The following STXBP4 variants were observed in gnomAD, a reference collection of about 807,000 sequenced individuals.
STXBP4 encodes syntaxin-binding protein 4.
STXBP4 carries 55 observed loss-of-function variants against 76.1 expected under a neutral mutation model. The observed-to-expected ratio is 0.72, with a 90% CI of 0.58 to 0.91. STXBP4 has a LOEUF of 0.91. Ranked by LOEUF, STXBP4 falls within the 40% of genes least tolerant of loss-of-function variation. STXBP4 has a pLI of 0.00. For synonymous variants in STXBP4, 201 were observed against 220.2 expected, an observed-to-expected ratio of 0.91 and a Z score of 0.77; for missense variants, 618 against 636.9, an observed-to-expected ratio of 0.97 and a Z score of 0.32.
At position 54,990,927 on chromosome 17, in the gene STXBP4, G is replaced by C. The variant is rs866516749; in HGVS notation, c.150G>C (p.Gln50His). Residue 50 changes from glutamine (Q) to histidine (H), a missense_variant, in exon 4 of 18, where the codon CAG becomes CAC. Transcript: ENST00000376352. ...NRNEGPLVYI[Q>H]EIIPGGDCYK... ...ATGAAGGCCCATTGGTATATATTCA[G>C]GAAATTATTCCTGGAGGAGACTGTT... The C allele has an allele frequency of 6.3e-7, 1 of 1,593,666 alleles. No homozygotes were observed. Among genetic ancestry groups the C allele is most frequent in the Admixed American group, 1.8e-5 (1 of 54,984 alleles).
chr17:55,077,400 T>A (rs1342664171), intron 13 of STXBP4, among the ~76,000 whole-genome samples: 1 of 152,192 alleles, frequency 6.6e-6, no homozygotes, highest in Non-Finnish European at 1.5e-5. Context: ...ATGGGGACTT[T>A]TGGTTAGGAA....
chr17:55,094,823 T>C (rs2079463343), intron 16 of STXBP4, among the ~76,000 whole-genome samples: 1 of 152,190 alleles, frequency 6.6e-6, no homozygotes, highest in African/African-American at 2.4e-5. Flanking sequence ...GAAGCAAACA[T>C]AGACAGTTCT....
intron 16 of STXBP4, among the ~76,000 whole-genome samples, chr17:55,084,141 T>G (rs1381019438): frequency 2.0e-5 from 3 of 152,054 alleles, no homozygotes; most frequent in Non-Finnish European, 4.4e-5. Flanking sequence ...CTCCAGCACC[T>G]GTTGTTTCCT....
chr17:55,192,308 A>G, the STXBP4 span, among the ~76,000 whole-genome samples: 2 of 152,206 alleles, frequency 1.3e-5, no homozygotes, highest in African/African-American at 2.4e-5. Context: ...GTATCCTGGA[A>G]CCACAGCAGA....
chr17:54,996,162 A>C (rs2077798652), intron 4 of STXBP4, among the ~76,000 whole-genome samples: 2 of 151,402 alleles, frequency 1.3e-5, no homozygotes, highest in Non-Finnish European at 2.9e-5. Flanking sequence ...CAACTAGAGA[A>C]AACTTCCAGC....
chr17:55,094,604 C>G lies in STXBP4; in HGVS notation c.1489+13421C>G, dbSNP rs73992606. ...TTTCCTATTCATGTGCATATTGTTT[C>G]AATGAGTAAAAAAAAGTCCGGTAGC... On this transcript the variant is annotated intron_variant, in intron 16 of 17. Transcript: ENST00000376352. Among the ~76,000 whole-genome samples, 1,260 of 152,262 alleles carry G rather than the reference C, an allele frequency of 8.3e-3. 18 individuals are homozygous for G. Among genetic ancestry groups the G allele is most frequent in the African/African-American group, 0.028 (1,184 of 41,554 alleles).
In STXBP4 at chr17:55,056,424, G is replaced by T. The variant is rs72833266; in HGVS notation, c.1011+9270G>T. ...AAAAGTAAATTCACATACTCAAATT[G>T]TTCCAAACTTATTTTAAAAGTTTCT... On this transcript the variant is annotated intron_variant, in intron 12 of 17. Coordinates refer to ENST00000376352, the MANE Select transcript of STXBP4 (RefSeq NM_178509.6). Among the ~76,000 whole-genome samples, 1,477 of 152,174 alleles carry T rather than the reference G, an allele frequency of 9.7e-3. 19 individuals are homozygous for T. The highest frequency in any genetic ancestry group is 0.032 in the South Asian group (153 of 4,828).
chr17:55,152,977 A>T (rs1031018031), intron 17 of STXBP4, among the ~76,000 whole-genome samples: 9 of 152,080 alleles, frequency 5.9e-5, no homozygotes, highest in Non-Finnish European at 1.2e-4. Context: ...ATTGTTACTG[A>T]CACCAACCCA....
chr17:55,043,439 T>G, intron 11 of STXBP4, 114 bp downstream of exon 11: 1 of 748,038 alleles, frequency 1.3e-6, no homozygotes, highest in Non-Finnish European at 2.0e-6. Flanking sequence ...TGGAAAAATA[T>G]TAATATCAAA....
At chr17:55,000,554 G>A (rs1305195545) in intron 6 of STXBP4, among the ~76,000 whole-genome samples, 3 of 152,094 alleles carry the variant, frequency 2.0e-5, no homozygotes, top group East Asian at 3.9e-4. Flanking sequence ...TTTGTCACTT[G>A]GAGCTATAAT....
At chr17:54,983,938 C>CT (rs1257092055) in intron 1 of STXBP4, among the ~76,000 whole-genome samples, 2 of 152,166 alleles carry the variant, frequency 1.3e-5, no homozygotes, top group Non-Finnish European at 2.9e-5. Context: ...GGTGGCCCTT[C>CT]TTTTCCTCAT....
intron 4 of STXBP4, among the ~76,000 whole-genome samples, chr17:54,997,590 T>A (rs976951640): frequency 7.8e-5 from 11 of 140,910 alleles, no homozygotes; most frequent in Non-Finnish European, 1.2e-4. Context: ...ATATATATAT[T>A]TTATATATTT....
chr17:55,092,228 C>T (rs1598303926), intron 16 of STXBP4, among the ~76,000 whole-genome samples: 1 of 152,090 alleles, frequency 6.6e-6, no homozygotes, highest in Non-Finnish European at 1.5e-5. Context: ...CAAGTGATGG[C>T]TGCACCAAAA....
rs117128822 is a variant in STXBP4, at chr17:55,079,417, C to T, written c.1355+682C>T. Among the ~76,000 whole-genome samples the T allele has an allele frequency of 9.1e-3, 1,379 of 152,074 alleles. 14 individuals are homozygous for T. Among genetic ancestry groups the T allele is most frequent in the South Asian group, 0.017 (80 of 4,810 alleles). ...TGCTCTCATAATAGCTGCCACTAGT[C>T]CTAGATACATCTTCTACTTCTAGCA... On this transcript the variant is annotated intron_variant, in intron 15 of 17. Transcript: ENST00000376352.
intron 12 of STXBP4, among the ~76,000 whole-genome samples, chr17:55,053,033 A>C (rs2078880880): frequency 6.6e-6 from 1 of 151,638 alleles, no homozygotes; most frequent in Non-Finnish European, 1.5e-5. Flanking sequence ...AAGATGCTAA[A>C]GAGACGTGAA....
At chr17:55,153,233 ACAAT>A in intron 17 of STXBP4, among the ~76,000 whole-genome samples, 1 of 152,346 alleles carries the variant, frequency 6.6e-6, no homozygotes, top group African/African-American at 2.4e-5. Flanking sequence ...ACTATTAGAA[ACAAT>A]CAGTATTTAA....
intron 16 of STXBP4, among the ~76,000 whole-genome samples, chr17:55,088,089 A>C (rs1489479752): frequency 6.6e-6 from 1 of 152,218 alleles, no homozygotes; most frequent in African/African-American, 2.4e-5. Flanking sequence ...CTTTTTATAA[A>C]TTTGTATGAC....
At chr17:55,201,083 T>A in the STXBP4 span, among the ~76,000 whole-genome samples, 1 of 152,300 alleles carries the variant, frequency 6.6e-6, no homozygotes, top group Middle Eastern at 3.4e-3. Context: ...CCATTCACTG[T>A]CATTTCCCCA....
chr17:55,116,699 A>G (rs72628380), intron 16 of STXBP4, among the ~76,000 whole-genome samples: 6,434 of 151,892 alleles, frequency 0.042, 230 homozygotes, highest in East Asian at 0.2. Context: ...TGCAATTGCA[A>G]AGGAGGCAAT....
Sources: gnomAD v4.1 joint callset for allele counts (sites outside exome capture counted in the v4.1 genomes callset) on GRCh38, gnomAD v4.1.1 for gene constraint, MANE v1.5 for transcripts, NCBI Gene and HGNC (gene_info 2026-07-23, HGNC 2026-07-21) for gene names.